ADAM12: variants seen among roughly 807,000 people sequenced by gnomAD.
The protein encoded by ADAM12 is ADAM metallopeptidase domain 12.
Under a neutral mutation model 106.4 loss-of-function variants are expected in ADAM12, and 70 were observed. The observed-to-expected ratio is 0.66, with a 90% CI of 0.54 to 0.80. The LOEUF (loss-of-function observed/expected upper bound fraction) is 0.80, where lower values mean the gene tolerates loss of function less well. ADAM12 is among the 30% of genes least tolerant of loss of function. The pLI is 0.00. For missense variants in ADAM12, 1,010 were observed against 1,171.9 expected, an observed-to-expected ratio of 0.86 and a Z score of 2.02; for synonymous variants, 420 against 433.5, an observed-to-expected ratio of 0.97 and a Z score of 0.39.
At chr10:126,299,338 C>A (rs924670878) in intron 2 of ADAM12, among the ~76,000 whole-genome samples, 1 of 152,180 alleles carries the variant, frequency 6.6e-6, no homozygotes, top group South Asian at 2.1e-4. Flanking sequence ...CCACTTTATT[C>A]TTTTCTCTCA....
chr10:126,303,325 C>T (rs1240634175), intron 2 of ADAM12, among the ~76,000 whole-genome samples: 1 of 152,158 alleles, frequency 6.6e-6, no homozygotes. Flanking sequence ...AAAGCGCAAA[C>T]ATGTTTGTAC....
chr10:126,361,561 T>G (rs1855745655), intron 1 of ADAM12, among the ~76,000 whole-genome samples: 1 of 152,108 alleles, frequency 6.6e-6, no homozygotes, highest in South Asian at 2.1e-4. Flanking sequence ...GCAACTAAAA[T>G]AGCATGGTAC....
At chr10:126,217,754 CCTG>C (rs1219754954) in intron 3 of ADAM12, among the ~76,000 whole-genome samples, 1 of 536 alleles carries the variant, frequency 1.9e-3, no homozygotes, top group Admixed American at 0.015. Context: ...AGGTGGATCA[CCTG>C]AGTCAGGAGT....
intron 2 of ADAM12, among the ~76,000 whole-genome samples, chr10:126,295,896 GACACACACACACAA>G (rs1250551128): frequency 8.8e-6 from 1 of 113,456 alleles, no homozygotes; most frequent in Non-Finnish European, 1.9e-5. Context: ...TCGAACAACA[GACACACACACACAA>G]ACACACACAC....
chr10:126,098,501 C>A lies in ADAM12; in HGVS notation c.912-1G>T. 1.9e-6 allele frequency: 3 copies of A among 1,613,024 alleles called. No individual in the cohort carries two copies. Among genetic ancestry groups the A allele is most frequent in the Non-Finnish European group, 2.5e-6 (3 of 1,179,054 alleles). On this transcript the variant is annotated splice_acceptor_variant, in intron 9 of 22. Transcript: ENST00000448723. LOFTEE classifies it high-confidence loss of function. ...GGTGGTCCCTTGGAAATAAACCCCA[C>A]TAGGAAATAAAAGAGAGGACTTTCT...
At chr10:126,146,840 C>T (rs1956636857) in intron 4 of ADAM12, among the ~76,000 whole-genome samples, 1 of 152,198 alleles carries the variant, frequency 6.6e-6, no homozygotes, top group Non-Finnish European at 1.5e-5. Context: ...TGCGCACCTG[C>T]AACACTGCTT....
chr10:126,090,927 A>C (rs901693491), intron 11 of ADAM12: 1 of 152,276 alleles, frequency 6.6e-6, no homozygotes, highest in Non-Finnish European at 1.5e-5. Context: ...ATATCATTAA[A>C]GCAGTTACTG....
rs560570409 is a variant in ADAM12, at chr10:126,067,339, C to T, written c.1324-533G>A. Reference sequence around the variant, plus strand: ...TTGTGGATGAGACCCTTGAGCAGCCCGGGTAAGTTGTCTGGCCTGACAATT... The same window carrying T: ...TTGTGGATGAGACCCTTGAGCAGCCTGGGTAAGTTGTCTGGCCTGACAATT... On this transcript the variant is annotated intron_variant, in intron 12 of 22. Transcript: ENST00000448723. 7.2e-5 allele frequency among the ~76,000 whole-genome samples: 11 copies of T among 152,324 alleles called. No homozygotes were observed. In the South Asian group the frequency reaches 1.0e-3, roughly 14 times the overall value.
At chr10:126,179,804 A>G (rs1329621412) in intron 3 of ADAM12, among the ~76,000 whole-genome samples, 1 of 152,122 alleles carries the variant, frequency 6.6e-6, no homozygotes, top group East Asian at 1.9e-4. Flanking sequence ...GTAGCAGTTC[A>G]TGCATGGCAT....
intron 3 of ADAM12, among the ~76,000 whole-genome samples, chr10:126,164,629 A>T (rs1419756436): frequency 2.0e-5 from 3 of 152,230 alleles, no homozygotes; most frequent in African/African-American, 7.2e-5. Context: ...TACTAAAATG[A>T]TATCCTTTAA....
At position 126,118,523 on chromosome 10, in the gene ADAM12, G is replaced by A. The variant is rs118164343; in HGVS notation, c.417-299C>T. On this transcript the variant is annotated intron_variant, in intron 5 of 22. Transcript: ENST00000448723. Reference sequence around the variant, plus strand: ...TTTTATGTCTCAAAGATATATTGCCGGGAAGAAGAATGAGGAAAAAGATGT... The same window carrying A: ...TTTTATGTCTCAAAGATATATTGCCAGGAAGAAGAATGAGGAAAAAGATGT... Among the ~76,000 whole-genome samples, 910 of 152,258 alleles carry A rather than the reference G, an allele frequency of 6.0e-3. 19 individuals are homozygous for A. Among genetic ancestry groups the A allele is most frequent in the East Asian group, 0.055 (286 of 5,190 alleles).
intron 1 of ADAM12, among the ~76,000 whole-genome samples, chr10:126,339,907 T>G (rs554687594): frequency 7.4e-6 from 1 of 134,986 alleles, no homozygotes; most frequent in Non-Finnish European, 1.5e-5. Context: ...CAGGCTGGAG[T>G]GCAGTGGCCT....
intron 14 of ADAM12, among the ~76,000 whole-genome samples, chr10:126,054,756 C>T (rs1161969723): frequency 6.6e-6 from 1 of 152,178 alleles, no homozygotes; most frequent in African/African-American, 2.4e-5. Context: ...TGTGGAGGTG[C>T]ATCAGTGTGT....
At position 126,016,086 on chromosome 10, in the gene ADAM12, T is replaced by G. The variant is rs1272142534; in HGVS notation, c.*1193A>C. ...CTCTGTTAAAAGCATCTTTTAAAGA[T>G]TCCTGCAGCCAAGTTGGAAAAAGAG... is the stretch of plus-strand genomic sequence containing the variant. On this transcript the variant is annotated 3_prime_UTR_variant, in exon 23 of 23. Transcript: ENST00000448723. The G allele has an allele frequency of 6.6e-6, 1 of 152,188 alleles. No individual in the cohort carries two copies. Among genetic ancestry groups the G allele is most frequent in the Admixed American group, 6.5e-5 (1 of 15,280 alleles). The allele number at this position is 152,188 out of a possible 1,614,324, so 9.4% of individuals were successfully genotyped here.
At position 126,127,339 on chromosome 10, in the gene ADAM12, A is replaced by C. The variant is rs534360975; in HGVS notation, c.416+8245T>G. On this transcript the variant is annotated intron_variant, in intron 5 of 22. Coordinates refer to ENST00000448723, the MANE Select transcript of ADAM12 (RefSeq NM_001288973.2). ...AGTGGCTTTACCGCCATTCCATGCC[A>C]ATTTCCTCCTTCATATGTTCTACTG... Among the ~76,000 whole-genome samples the C allele has an allele frequency of 1.2e-4, 18 of 152,304 alleles. No homozygotes were observed. In the South Asian group the frequency reaches 3.5e-3, roughly 30 times the overall value.
intron 3 of ADAM12, among the ~76,000 whole-genome samples, chr10:126,194,278 C>CAAACAA (rs1957558112): frequency 1.7e-5 from 1 of 58,074 alleles, no homozygotes; most frequent in African/African-American, 5.5e-5. Context: ...TTCATATGCT[C>CAAACAA]AAAAAAAAAA....
intron 18 of ADAM12, among the ~76,000 whole-genome samples, chr10:126,042,741 A>G (rs1590325497): frequency 6.6e-6 from 1 of 152,236 alleles, no homozygotes; most frequent in African/African-American, 2.4e-5. Flanking sequence ...CAGTGATGAC[A>G]TTCATACCCA....
rs144647232 is a variant in ADAM12, at chr10:126,328,593, T to C, written c.186+1819A>G. Among the ~76,000 whole-genome samples the C allele has an allele frequency of 2.0e-4, 30 of 152,304 alleles. No individual in the cohort carries two copies. In the Middle Eastern group the frequency reaches 0.01, roughly 52 times the overall value. On this transcript the variant is annotated intron_variant, in intron 2 of 22. Coordinates refer to ENST00000448723, the MANE Select transcript of ADAM12 (RefSeq NM_001288973.2). ...CAAGCTTTCGGGGTTACCCACCAAA[T>C]ATGAGTACATATTGTAATTTTATGG...
chr10:126,209,110 C>T (rs147494775), intron 3 of ADAM12, among the ~76,000 whole-genome samples: 3 of 152,158 alleles, frequency 2.0e-5, no homozygotes, highest in Non-Finnish European at 4.4e-5. Flanking sequence ...GCTGTCAATT[C>T]ACTGTTGGGA....
Sources: gnomAD v4.1 joint callset for allele counts (sites outside exome capture counted in the v4.1 genomes callset) on GRCh38, gnomAD v4.1.1 for gene constraint, MANE v1.5 for transcripts, NCBI Gene and HGNC (gene_info 2026-07-23, HGNC 2026-07-21) for gene names.